SCGB2B2: variants seen among roughly 807,000 people sequenced by gnomAD.
SCGB2B2 encodes the protein secretoglobin family 2B member 2.
Under a neutral mutation model 7.6 loss-of-function variants are expected in SCGB2B2, and 11 were observed. The ratio of observed to expected loss-of-function variants is 1.45; its 90% CI spans 0.91 to 2.40. SCGB2B2 has a LOEUF of 2.40. Among genes scored for constraint, SCGB2B2 ranks in the 30% most tolerant of loss-of-function variants. The pLI, the probability that SCGB2B2 is intolerant of heterozygous loss-of-function variation, is 0.00. For missense variants in SCGB2B2, 104 were observed against 115.4 expected, an observed-to-expected ratio of 0.90 and a Z score of 0.45; for synonymous variants, 50 against 48.6, an observed-to-expected ratio of 1.03 and a Z score of -0.12.
chr19:34,649,535 A>G (rs1047221954), intron 1 of SCGB2B2, among the ~76,000 whole-genome samples: 3 of 152,190 alleles, frequency 2.0e-5, no homozygotes, highest in Admixed American at 6.5e-5. Flanking sequence ...ACTTTTTGCA[A>G]TAACTATTTG....
intron 1 of SCGB2B2, among the ~76,000 whole-genome samples, chr19:34,649,703 T>A (rs7250402): frequency 0.56 from 84,140 of 149,814 alleles, 24,532 homozygotes; most frequent in Middle Eastern, 0.69. Flanking sequence ...ACCAAAAAAA[T>A]TTTAGCTGGG....
chr19:34,625,513 C>A (rs769777183), intron 1 of SCGB2B2, among the ~76,000 whole-genome samples: 4 of 152,194 alleles, frequency 2.6e-5, no homozygotes, highest in Non-Finnish European at 5.9e-5. Context: ...CACGGAGCCT[C>A]GCTCATTGCT....
intron 1 of SCGB2B2, among the ~76,000 whole-genome samples, chr19:34,606,377 A>G (rs2065777560): frequency 6.6e-6 from 1 of 152,154 alleles, no homozygotes; most frequent in South Asian, 2.1e-4. Flanking sequence ...TTTATTAGCA[A>G]TTCTGGAAAA....
intron 1 of SCGB2B2, among the ~76,000 whole-genome samples, chr19:34,617,978 G>A (rs4423526): frequency 0.32 from 47,544 of 147,808 alleles, 8,156 homozygotes; most frequent in Middle Eastern, 0.47. Context: ...GCAATGCCTC[G>A]CCCTGCTTCG....
intron 1 of SCGB2B2, among the ~76,000 whole-genome samples, chr19:34,599,504 G>C (rs1466642540): frequency 1.3e-5 from 2 of 152,216 alleles, no homozygotes; most frequent in Non-Finnish European, 2.9e-5. Flanking sequence ...GACAGAATGA[G>C]AGCCAAGCAA....
chr19:34,647,228 A>G (rs552896761), intron 1 of SCGB2B2, among the ~76,000 whole-genome samples: 81 of 151,544 alleles, frequency 5.3e-4, no homozygotes, highest in Non-Finnish European at 9.9e-4. Context: ...AACGAGCACC[A>G]CTCTCAGGCA....
At chr19:34,625,604 G>A (rs914944824) in intron 1 of SCGB2B2, among the ~76,000 whole-genome samples, 4 of 152,204 alleles carry the variant, frequency 2.6e-5, no homozygotes, top group African/African-American at 9.7e-5. Flanking sequence ...GCTTGAGTAG[G>A]TAAACAAAGC....
intron 1 of SCGB2B2, among the ~76,000 whole-genome samples, chr19:34,631,547 A>G (rs1038733728): frequency 6.0e-5 from 9 of 151,254 alleles, no homozygotes; most frequent in Non-Finnish European, 1.2e-4. Context: ...TACAACATAT[A>G]CTTGAGACAT....
At chr19:34,659,575 T>C (rs2067391036) in intron 1 of SCGB2B2, among the ~76,000 whole-genome samples, 1 of 152,120 alleles carries the variant, frequency 6.6e-6, no homozygotes, top group African/African-American at 2.4e-5. Flanking sequence ...GGAATCCAAC[T>C]TACAAGGGAT....
intron 1 of SCGB2B2, among the ~76,000 whole-genome samples, chr19:34,611,999 A>G (rs902274825): frequency 1.7e-5 from 2 of 117,556 alleles, no homozygotes; most frequent in Admixed American, 1.9e-4. Context: ...TTGAATTTTC[A>G]TATATTTGTG....
chr19:34,596,662 T>C (rs1431988216), intron 1 of SCGB2B2, 68 bp from the exon 2 acceptor site: 1 of 152,306 alleles, frequency 6.6e-6, no homozygotes, highest in Non-Finnish European at 1.5e-5. Context: ...ACAGGGGATG[T>C]TTCCTCACTT....
intron 1 of SCGB2B2, among the ~76,000 whole-genome samples, chr19:34,608,177 TG>T (rs1373125290): frequency 2.0e-5 from 3 of 152,178 alleles, no homozygotes; most frequent in Admixed American, 1.3e-4. Flanking sequence ...TACACCTCTT[TG>T]GCTAAGTTTA....
rs773452097 is a variant in SCGB2B2 at position 34,628,738 on chromosome 19, A to G, written c.-2031-32144T>C. On this transcript the variant is annotated intron_variant, in intron 1 of 3. Coordinates refer to ENST00000601241, the MANE Select transcript of SCGB2B2 (RefSeq NM_001025591.4). ...TCTGAAACTATTGCAATCAATAGAA[A>G]AAGAGGGAATCCTCTCTAACTCATT... is the stretch of plus-strand genomic sequence containing the variant. 3.3e-5 allele frequency among the ~76,000 whole-genome samples: 5 copies of G among 152,066 alleles called. 1 individual carries two copies. Among genetic ancestry groups the G allele is most frequent in the African/African-American group, 4.8e-5 (2 of 41,454 alleles).
At chr19:34,611,851 A>C in intron 1 of SCGB2B2, among the ~76,000 whole-genome samples, 1 of 151,206 alleles carries the variant, frequency 6.6e-6, no homozygotes, top group East Asian at 2.0e-4. Context: ...ACTGGGTTTC[A>C]CTATATTGGG....
At chr19:34,617,011 T>C (rs1050779006) in intron 1 of SCGB2B2, among the ~76,000 whole-genome samples, 99 of 152,344 alleles carry the variant, frequency 6.5e-4, no homozygotes, top group African/African-American at 2.3e-3. Flanking sequence ...TGCGGCATTA[T>C]TTCTGAGGGC....
At chr19:34,617,747 C>T (rs1363010643) in intron 1 of SCGB2B2, among the ~76,000 whole-genome samples, 1 of 152,324 alleles carries the variant, frequency 6.6e-6, no homozygotes, top group East Asian at 1.9e-4. Context: ...TGAGAGAGGA[C>T]ATCCCTGTCT....
intron 1 of SCGB2B2, among the ~76,000 whole-genome samples, chr19:34,644,900 A>C (rs1397050607): frequency 6.6e-6 from 1 of 152,044 alleles, no homozygotes; most frequent in Non-Finnish European, 1.5e-5. Flanking sequence ...CACTTTGCAG[A>C]ACCTGTGTGA....
chr19:34,617,923 G>A (rs545099527), intron 1 of SCGB2B2, among the ~76,000 whole-genome samples: 2 of 152,308 alleles, frequency 1.3e-5, no homozygotes, highest in East Asian at 3.9e-4. Flanking sequence ...CCCTTTCTTT[G>A]ACTAGGAAAG....
chr19:34,650,455 A>T (rs769948877), intron 1 of SCGB2B2, among the ~76,000 whole-genome samples: 4 of 151,194 alleles, frequency 2.6e-5, no homozygotes, highest in South Asian at 2.1e-4. Context: ...ATTTTTCCTC[A>T]TAACAGTAGA....
Sources: allele counts gnomAD v4.1 joint callset (sites outside exome capture counted in the v4.1 genomes callset), GRCh38; gene constraint gnomAD v4.1.1; transcripts MANE v1.5; gene names NCBI Gene and HGNC (gene_info 2026-07-23, HGNC 2026-07-21).